HERC3: variants seen among roughly 807,000 people sequenced by gnomAD.
HERC3 encodes probable E3 ubiquitin-protein ligase HERC3.
A neutral mutation model predicts 129.9 loss-of-function variants in HERC3; 58 were observed. That is an observed-to-expected ratio of 0.45 (90% confidence interval 0.36 to 0.56). HERC3 has a LOEUF of 0.56. Among genes scored for constraint, HERC3 ranks in the 20% least tolerant of loss-of-function variants. The pLI is 0.00. For missense variants in HERC3, 835 were observed against 1,244.2 expected, an observed-to-expected ratio of 0.67 and a Z score of 4.95; for synonymous variants, 430 against 451.0, an observed-to-expected ratio of 0.95 and a Z score of 0.59.
chr4:88,527,552 C>T, the HERC3 span: 3 of 197,226 alleles, frequency 1.5e-5, no homozygotes, highest in Admixed American at 6.2e-5. Context: ...TGAGCTACCA[C>T]GCACAGCCCA....
chr4:88,681,229 T>A lies in HERC3; in HGVS notation c.2411T>A (p.Val804Glu). 6.2e-7 allele frequency: 1 copy of A among 1,614,022 alleles called. No individual in the cohort carries two copies. Among genetic ancestry groups the A allele is most frequent in the Non-Finnish European group, 8.5e-7 (1 of 1,179,896 alleles). The change falls in exon 21 of 26, where the codon GTG becomes GAG. Residue 804 changes from valine to glutamate, a missense_variant. Coordinates refer to ENST00000402738, the MANE Select transcript of HERC3 (RefSeq NM_014606.3). The part of the protein sequence containing the change: ...TCGLAIYNST[V>E]VDLHFPLALY... ...GGACTAGCTATCTACAACTCCACTG[T>A]GGTCGATCTCCACTTCCCATTGGCT...
the HERC3 span, among the ~76,000 whole-genome samples, chr4:88,528,644 C>T: frequency 4.7e-3 from 709 of 152,242 alleles, 3 homozygotes; most frequent in African/African-American, 0.016. Flanking sequence ...TTCTCTTTGA[C>T]GAAGAGTGGT....
intron 10 of HERC3, among the ~76,000 whole-genome samples, chr4:88,658,745 C>T (rs1339388444): frequency 6.6e-6 from 1 of 152,010 alleles, no homozygotes; most frequent in Non-Finnish European, 1.5e-5. Context: ...GTACTTGTTC[C>T]AGAAACTCTG....
At chr4:88,533,662 A>G in the HERC3 span, among the ~76,000 whole-genome samples, 1 of 152,146 alleles carries the variant, frequency 6.6e-6, no homozygotes, top group Non-Finnish European at 1.5e-5. Context: ...ATTTCTTACA[A>G]TTTGTTTCTT....
At chr4:88,540,637 A>T in the HERC3 span, among the ~76,000 whole-genome samples, 1 of 152,326 alleles carries the variant, frequency 6.6e-6, no homozygotes, top group South Asian at 2.1e-4. Flanking sequence ...CCCAAGACAC[A>T]TAATTGTCAG....
At chr4:88,595,100 C>CAAAAAAAAAAAAAAAA (rs758727600) in intron 1 of HERC3, among the ~76,000 whole-genome samples, 2 of 60,084 alleles carry the variant, frequency 3.3e-5, no homozygotes, top group East Asian at 5.1e-4. Flanking sequence ...GACTCTGTCT[C>CAAAAAAAAAAAAAAAA]AAAAAAAAAA....
chr4:88,665,325 T>C (rs1261671128), intron 12 of HERC3, among the ~76,000 whole-genome samples: 5 of 152,242 alleles, frequency 3.3e-5, no homozygotes, highest in Admixed American at 2.6e-4. Flanking sequence ...CCAGGGAAGC[T>C]GATGGTGTAA....
At chr4:88,545,348 T>C in the HERC3 span, among the ~76,000 whole-genome samples, 2 of 152,044 alleles carry the variant, frequency 1.3e-5, no homozygotes, top group African/African-American at 4.8e-5. Context: ...TAAAGGGAGC[T>C]ATCATACACT....
intron 23 of HERC3, chr4:88,696,987 C>A (rs546678654): frequency 4.4e-6 from 2 of 456,404 alleles, no homozygotes; most frequent in Non-Finnish European, 3.8e-6. Context: ...TTCTTTAACA[C>A]CTTTTGATAT....
chr4:88,608,455 A>C (rs917199180), intron 3 of HERC3, among the ~76,000 whole-genome samples: 1 of 152,234 alleles, frequency 6.6e-6, no homozygotes, highest in Non-Finnish European at 1.5e-5. Flanking sequence ...TTCCATGTAC[A>C]GTGCACTCAA....
intron 23 of HERC3, among the ~76,000 whole-genome samples, chr4:88,695,593 G>A (rs1391776495): frequency 6.6e-6 from 1 of 152,196 alleles, no homozygotes; most frequent in Non-Finnish European, 1.5e-5. Context: ...AGGGAGGGAT[G>A]TAGTGATGTC....
the HERC3 span, among the ~76,000 whole-genome samples, chr4:88,541,399 AAATATATATGTACCT>A: frequency 6.6e-6 from 1 of 152,220 alleles, no homozygotes; most frequent in African/African-American, 2.4e-5. Flanking sequence ...TAACTATCCT[AAATATATATGTACCT>A]AATACAGGAG....
chr4:88,537,293 T>A, the HERC3 span, among the ~76,000 whole-genome samples: 1 of 152,230 alleles, frequency 6.6e-6, no homozygotes, highest in Admixed American at 6.5e-5. Flanking sequence ...TCTCTTGTAA[T>A]CTGAAACAGT....
At chr4:88,592,051 C>T (rs1052499119), upstream of HERC3, among the ~76,000 whole-genome samples, 2 of 152,200 alleles carry the variant, frequency 1.3e-5, no homozygotes, top group Non-Finnish European at 2.9e-5. Flanking sequence ...CGCACTCTCC[C>T]TCAATTGTCA....
chr4:88,555,407 T>C, the HERC3 span, among the ~76,000 whole-genome samples: 1 of 152,170 alleles, frequency 6.6e-6, no homozygotes, highest in African/African-American at 2.4e-5. Flanking sequence ...TATGACAGCA[T>C]GGAAGTTTTG....
At chr4:88,645,304 T>A (rs1728572696) in intron 3 of HERC3, among the ~76,000 whole-genome samples, 1 of 152,178 alleles carries the variant, frequency 6.6e-6, no homozygotes, top group Non-Finnish European at 1.5e-5. Flanking sequence ...CTGGGTTTCC[T>A]ACAATATGTC....
the HERC3 span, among the ~76,000 whole-genome samples, chr4:88,530,978 GCAGCTGGGACCA>G: frequency 1.3e-5 from 2 of 152,016 alleles, no homozygotes; most frequent in South Asian, 4.2e-4. Context: ...AGCTTCCCAA[GCAGCTGGGACCA>G]CAGGTGTGTA....
the HERC3 span, among the ~76,000 whole-genome samples, chr4:88,579,790 G>A: frequency 6.6e-6 from 1 of 152,128 alleles, no homozygotes; most frequent in Non-Finnish European, 1.5e-5. Context: ...GACTATCTTG[G>A]ATGAACATGG....
intron 22 of HERC3, 128 bp downstream of exon 22, chr4:88,686,930 A>G (rs1167320116): frequency 8.0e-6 from 6 of 749,862 alleles, no homozygotes; most frequent in East Asian, 2.7e-5. Context: ...AAATTATTTT[A>G]GTCATAGTGT....
Sources: allele counts gnomAD v4.1 joint callset (sites outside exome capture counted in the v4.1 genomes callset), GRCh38; gene constraint gnomAD v4.1.1; transcripts MANE v1.5; gene names NCBI Gene and HGNC (gene_info 2026-07-23, HGNC 2026-07-21).